The following ELMO1 variants were observed in gnomAD, a reference collection of about 807,000 sequenced individuals.
ELMO1 encodes engulfment and cell motility protein 1.
A neutral mutation model predicts 98.9 loss-of-function variants in ELMO1; 26 were observed. That is an observed-to-expected ratio of 0.26 (90% CI 0.19 to 0.36). ELMO1 has a LOEUF of 0.36. ELMO1 is among the 10% of genes least tolerant of loss of function. ELMO1 has a pLI of 1.00. For synonymous variants in ELMO1, 346 were observed against 346.0 expected (o/e 1.00, Z 0.00); for missense variants, 627 against 935.2 (o/e 0.67, Z 4.30).
intron 15 of ELMO1, among the ~76,000 whole-genome samples, chr7:37,043,894 G>A (rs1333739449): frequency 6.6e-6 from 1 of 152,090 alleles, no homozygotes; most frequent in African/African-American, 2.4e-5. Context: ...AGAACTCGGG[G>A]GTCCTCAGGT....
chr7:37,396,412 AT>A (rs1234546025), intron 1 of ELMO1, among the ~76,000 whole-genome samples: 1 of 152,202 alleles, frequency 6.6e-6, no homozygotes, highest in East Asian at 1.9e-4. Flanking sequence ...GGCAAAAAAA[AT>A]GTATAATGCA....
In ELMO1 at chr7:36,878,232, G is replaced by A. The variant is rs1252002179; in HGVS notation, c.1715-115C>T. 6.5e-6 allele frequency: 5 copies of A among 765,686 alleles called. No individual in the cohort carries two copies. The Admixed American group carries it at 1.2e-4, about 19-fold the overall frequency. 47.4% of individuals were successfully genotyped at this position (765,686 alleles called of 1,614,324 possible). On this transcript the variant is annotated intron_variant, in intron 18 of 21. Transcript: ENST00000310758. ...AAACAAGCAGTTCATTTGATTTTAA[G>A]TCTTGAGGAAGAATGAATTCTAGGG...
intron 15 of ELMO1, among the ~76,000 whole-genome samples, chr7:37,054,490 T>C (rs915826309): frequency 3.3e-5 from 5 of 152,180 alleles, no homozygotes; most frequent in African/African-American, 7.2e-5. Context: ...TTATCTATCA[T>C]AAAGAAATAC....
chr7:36,945,157 T>G (rs1787369515), intron 16 of ELMO1, among the ~76,000 whole-genome samples: 1 of 152,226 alleles, frequency 6.6e-6, no homozygotes, highest in African/African-American at 2.4e-5. Context: ...TTCTTCCTAA[T>G]TTTCAATTAT....
intron 19 of ELMO1, among the ~76,000 whole-genome samples, chr7:36,875,479 G>C (rs1803875570): frequency 6.6e-6 from 1 of 152,284 alleles, no homozygotes; most frequent in East Asian, 1.9e-4. Context: ...AGTTCATCTT[G>C]CAATGGATAT....
chr7:37,087,563 T>G (rs1371438505), intron 15 of ELMO1, among the ~76,000 whole-genome samples: 1 of 152,188 alleles, frequency 6.6e-6, no homozygotes, highest in Non-Finnish European at 1.5e-5. Flanking sequence ...GTTTTCACAT[T>G]GAGCTTATTC....
intron 7 of ELMO1, among the ~76,000 whole-genome samples, chr7:37,233,724 T>C (rs1312017087): frequency 1.4e-5 from 1 of 69,654 alleles, no homozygotes; most frequent in East Asian, 3.6e-4. Context: ...GAATTAGTAC[T>C]TTTTTTAAGT....
intron 13 of ELMO1, among the ~76,000 whole-genome samples, chr7:37,188,409 TACACACACACACACACAC>T (rs566236838): frequency 4.7e-4 from 55 of 115,860 alleles, no homozygotes; most frequent in African/African-American, 1.7e-3. Context: ...TGCTTCTTGT[TACACACACACACACACAC>T]ACACACACAC....
intron 1 of ELMO1, among the ~76,000 whole-genome samples, chr7:37,401,031 A>G (rs1251069726): frequency 6.6e-6 from 1 of 152,032 alleles, no homozygotes; most frequent in African/African-American, 2.4e-5. Context: ...TTTCACCCTT[A>G]ATTTTATCTG....
At chr7:37,273,896 G>A (rs1419860914) in intron 4 of ELMO1, among the ~76,000 whole-genome samples, 1 of 152,186 alleles carries the variant, frequency 6.6e-6, no homozygotes, top group Admixed American at 6.5e-5. Flanking sequence ...TTTGGACAAT[G>A]AATTTTCTAA....
intron 18 of ELMO1, among the ~76,000 whole-genome samples, chr7:36,886,233 A>G (rs1448916309): frequency 2.0e-5 from 3 of 152,110 alleles, no homozygotes; most frequent in African/African-American, 7.2e-5. Context: ...TACTCTGCCC[A>G]TTGTCCTCTC....
intron 14 of ELMO1, among the ~76,000 whole-genome samples, chr7:37,106,227 G>A (rs1784939253): frequency 6.6e-6 from 1 of 152,154 alleles, no homozygotes; most frequent in South Asian, 2.1e-4. Context: ...GAATGATGGT[G>A]CCCCTTCCGA....
In ELMO1 at chr7:37,125,072, T is replaced by A. The variant is rs9691644; in HGVS notation, c.1191+8058A>T. ...ATTTAACAAATGGTGCTGGGAAAAC[T>A]GGCTAGCCATATGTAGAAAGCTGAA... On this transcript the variant is annotated intron_variant, in intron 14 of 21. Coordinates refer to ENST00000310758, the MANE Select transcript of ELMO1 (RefSeq NM_014800.11). Among the ~76,000 whole-genome samples the A allele has an allele frequency of 4.2e-3, 640 of 152,210 alleles. 5 individuals are homozygous for A. The highest frequency in any genetic ancestry group is 0.014 in the African/African-American group (601 of 41,560).
chr7:36,945,558 T>C (rs1378294652), intron 16 of ELMO1, among the ~76,000 whole-genome samples: 1 of 152,220 alleles, frequency 6.6e-6, no homozygotes, highest in Admixed American at 6.5e-5. Flanking sequence ...GGGCTCTTAG[T>C]TGCATAGTTG....
At chr7:36,955,763 C>T (rs1036316145) in intron 16 of ELMO1, among the ~76,000 whole-genome samples, 2 of 152,116 alleles carry the variant, frequency 1.3e-5, no homozygotes, top group African/African-American at 4.8e-5. Flanking sequence ...CAGGCTGTTG[C>T]CTCATCTTTA....
chr7:36,975,044 C>T (rs1176753934), intron 16 of ELMO1, among the ~76,000 whole-genome samples: 1 of 152,182 alleles, frequency 6.6e-6, no homozygotes, highest in East Asian at 1.9e-4. Context: ...ACACTCACTG[C>T]GAAGGTCCAC....
chr7:37,438,554 C>T (rs548283150), intron 1 of ELMO1, among the ~76,000 whole-genome samples: 62 of 151,584 alleles, frequency 4.1e-4, no homozygotes, highest in African/African-American at 1.5e-3. Context: ...GAGCCGAGAT[C>T]GCGCCACTGC....
chr7:37,349,341 C>T (rs1387354132), intron 1 of ELMO1, among the ~76,000 whole-genome samples: 1 of 152,214 alleles, frequency 6.6e-6, no homozygotes, highest in Non-Finnish European at 1.5e-5. Context: ...CACATTTTCC[C>T]CTTGCATTAG....
At chr7:36,904,395 C>T (rs1329592773) in intron 16 of ELMO1, among the ~76,000 whole-genome samples, 1 of 152,124 alleles carries the variant, frequency 6.6e-6, no homozygotes, top group African/African-American at 2.4e-5. Context: ...CAGGGGATAG[C>T]GGTGCTCAGG....
Sources: gnomAD v4.1 joint callset for allele counts (sites outside exome capture counted in the v4.1 genomes callset) on GRCh38, gnomAD v4.1.1 for gene constraint, MANE v1.5 for transcripts, NCBI Gene and HGNC (gene_info 2026-07-23, HGNC 2026-07-21) for gene names.